PRTG: variants seen among roughly 807,000 people sequenced by gnomAD.
The protein encoded by PRTG is immunoglobulin superfamily, DCC subclass, member 5.
A neutral mutation model predicts 122.5 loss-of-function variants in PRTG; 67 were observed. That is an observed-to-expected ratio of 0.55 (90% confidence interval 0.45 to 0.67). The LOEUF is 0.67. Ranked by LOEUF, PRTG falls within the 30% of genes least tolerant of loss-of-function variation. The pLI, the probability that PRTG is intolerant of heterozygous loss-of-function variation, is 0.00. For synonymous variants in PRTG, 554 were observed against 501.1 expected (o/e 1.11, Z -1.41); for missense variants, 1,435 against 1,415.4 (o/e 1.01, Z -0.22).
chr15:55,671,909 A>G (rs1311235900), intron 11 of PRTG, among the ~76,000 whole-genome samples: 3 of 152,234 alleles, frequency 2.0e-5, no homozygotes, highest in Non-Finnish European at 4.4e-5. Flanking sequence ...AATGTCTTTC[A>G]GAACACTGAC....
chr15:55,653,458 T>C (rs1367829084), intron 11 of PRTG, among the ~76,000 whole-genome samples: 1 of 148,014 alleles, frequency 6.8e-6, no homozygotes, highest in Non-Finnish European at 1.5e-5. Context: ...CTATTGATCA[T>C]CTCTATTTTT....
In PRTG at chr15:55,619,827, A is replaced by T. The variant is rs2059156392; in HGVS notation, c.*185T>A. ...GTTCCCTGTTCATTGTCCTTCGAAC[A>T]GATTTAATGGTGAGAATACCTGAGC... is the stretch of plus-strand genomic sequence containing the variant. On this transcript the variant is annotated 3_prime_UTR_variant, in exon 20 of 20. Coordinates refer to ENST00000389286, the MANE Select transcript of PRTG (RefSeq NM_173814.6). The T allele has an allele frequency of 1.1e-6, 1 of 949,970 alleles. No individual in the cohort carries two copies. Among genetic ancestry groups the T allele is most frequent in the Non-Finnish European group, 1.5e-6 (1 of 661,154 alleles). The allele number at this position is 949,970 out of a possible 1,614,324, so 58.8% of individuals were successfully genotyped here. A position where few individuals can be genotyped will look rare whatever the true frequency, so the allele number is the denominator to read the frequency against.
chr15:55,693,709 T>C (rs180746798), intron 2 of PRTG, among the ~76,000 whole-genome samples: 1 of 152,266 alleles, frequency 6.6e-6, no homozygotes, highest in African/African-American at 2.4e-5. Context: ...AAAGGGGATA[T>C]TAAAAATACT....
At chr15:55,716,571 G>C (rs1274253357) in intron 2 of PRTG, among the ~76,000 whole-genome samples, 1 of 152,184 alleles carries the variant, frequency 6.6e-6, no homozygotes, top group Non-Finnish European at 1.5e-5. Flanking sequence ...CAAGTGCTGG[G>C]AGGATCCAAC....
rs2141816241 is a variant in PRTG at position 55,682,391 on chromosome 15, T to C, written c.649A>G (p.Met217Val). 5 of 1,604,140 alleles carry C rather than the reference T, an allele frequency of 3.1e-6. No homozygotes were observed. Among genetic ancestry groups the C allele is most frequent in the Middle Eastern group, 1.7e-4 (1 of 5,998 alleles). The change falls in exon 4 of 20, where the codon ATG (methionine) becomes GTG (valine). Residue 217 changes from methionine (M) to valine (V), a missense_variant. Coordinates refer to ENST00000389286, the MANE Select transcript of PRTG (RefSeq NM_173814.6). Reference protein sequence around the residue: ...AATVAHRRKSMEASLTVIPAK... With the variant: ...AATVAHRRKSVEASLTVIPAK... ...GGAATCACAGTTAGCGAGGCCTCCATACTTTTACGTCGGTGGGCTACAGTG... is the reference window on the plus strand; with the variant it reads ...GGAATCACAGTTAGCGAGGCCTCCACACTTTTACGTCGGTGGGCTACAGTG...
At chr15:55,716,629 C>T (rs1329414663) in intron 2 of PRTG, among the ~76,000 whole-genome samples, 1 of 152,128 alleles carries the variant, frequency 6.6e-6, no homozygotes, top group Admixed American at 6.5e-5. Context: ...AATCACCAGA[C>T]CATTAGGAGA....
At chr15:55,699,948 T>A (rs2059652918) in intron 2 of PRTG, among the ~76,000 whole-genome samples, 1 of 150,424 alleles carries the variant, frequency 6.6e-6, no homozygotes, top group Admixed American at 6.6e-5. Context: ...TACTCTAAAG[T>A]TTTTATGAAA....
Position 55,740,398 on chromosome 15 carries a change from A to T in PRTG, c.381T>A (p.Ala127=). 1.2e-6 allele frequency: 2 copies of T among 1,602,922 alleles called. No individual in the cohort carries two copies. The highest frequency in any genetic ancestry group is 1.7e-6 in the Non-Finnish European group (2 of 1,173,648). ...NKYGAILSQK[A]HLALSTISAF... ...AACACTTACTTGATAAGGCAAGATGAGCTTTTTGACTAAGAATGGCTCCAT... is the reference window on the plus strand; with the variant it reads ...AACACTTACTTGATAAGGCAAGATGTGCTTTTTGACTAAGAATGGCTCCAT... The change falls in exon 2 of 20, where the codon GCT becomes GCA. Residue 127 remains alanine, a synonymous_variant. Coordinates refer to ENST00000389286, the MANE Select transcript of PRTG (RefSeq NM_173814.6).
At chr15:55,696,974 G>A (rs1451624390) in intron 2 of PRTG, among the ~76,000 whole-genome samples, 2 of 152,188 alleles carry the variant, frequency 1.3e-5, no homozygotes, top group African/African-American at 4.8e-5. Flanking sequence ...AGTTTCTACA[G>A]ACTATTTTCC....
At chr15:55,680,941 T>A (rs1239976089) in intron 4 of PRTG, among the ~76,000 whole-genome samples, 1 of 152,102 alleles carries the variant, frequency 6.6e-6, no homozygotes, top group Non-Finnish European at 1.5e-5. Flanking sequence ...CTAATCTACT[T>A]TCAGTCTCTC....
intron 11 of PRTG, among the ~76,000 whole-genome samples, chr15:55,654,268 A>C (rs7171318): frequency 0.69 from 104,082 of 151,936 alleles, 36,044 homozygotes; most frequent in Middle Eastern, 0.77. Flanking sequence ...TAGGGAAGAG[A>C]AAAAGAAAAG....
At chr15:55,673,717 A>C (rs1338312761) in intron 9 of PRTG, 41 bp from the exon 10 acceptor site, 1 of 1,506,332 alleles carries the variant, frequency 6.6e-7, no homozygotes, top group South Asian at 1.2e-5. Context: ...AATATTTAGA[A>C]TCGAATTGCC....
intron 2 of PRTG, among the ~76,000 whole-genome samples, chr15:55,734,727 T>C (rs1314402055): frequency 7.9e-6 from 1 of 126,032 alleles, no homozygotes; most frequent in Non-Finnish European, 1.6e-5. Flanking sequence ...TCATCAAAAG[T>C]AGTTTCTGAG....
Position 55,675,544 on chromosome 15 carries a change from A to C in PRTG, c.1521T>G (p.His507Gln). Reference sequence around the variant, plus strand: ...CATCCTCTAGAGTATTCTGTGTCACATGGTCAGACATCTGGCTGGCTCCCA... The same window carrying C: ...CATCCTCTAGAGTATTCTGTGTCACCTGGTCAGACATCTGGCTGGCTCCCA... ...MPMGASQMSD[H>Q]VTQNTLEDVP... The change falls in exon 9 of 20, where the codon CAT (histidine) becomes CAG (glutamine). Residue 507 changes from histidine (H) to glutamine (Q), a missense_variant. His to Gln is a conservative substitution (Grantham distance 24). Coordinates refer to ENST00000389286, the MANE Select transcript of PRTG (RefSeq NM_173814.6). 1 of 1,612,070 alleles carries C rather than the reference A, an allele frequency of 6.2e-7. No homozygotes were observed. The highest frequency in any genetic ancestry group is 1.1e-5 in the South Asian group (1 of 90,908).
At chr15:55,621,640 C>CA (rs1030725785) in intron 18 of PRTG, among the ~76,000 whole-genome samples, 8 of 151,840 alleles carry the variant, frequency 5.3e-5, no homozygotes, top group African/African-American at 1.7e-4. Flanking sequence ...GACTCTGTCT[C>CA]AAAAAAACAA....
At position 55,740,440 on chromosome 15, in the gene PRTG, G is replaced by C. The variant is rs1251925380; in HGVS notation, c.339C>G (p.Cys113Trp). ...TGGCTCCATATTTGTTCATTGCCAA[G>C]CACTGATAAAATCCTTCATCGGACT... ...GEQSDEGFYQ[C>W]LAMNKYGAIL... is the part of the protein sequence containing the mutation. The change falls in exon 2 of 20, where the codon TGC becomes TGG. Residue 113 changes from cysteine to tryptophan, a missense_variant. By Grantham distance (215) the Cys-to-Trp change is radical. Transcript: ENST00000389286. 2.5e-6 allele frequency: 4 copies of C among 1,614,002 alleles called. No homozygotes were observed. Among genetic ancestry groups the C allele is most frequent in the Non-Finnish European group, 3.4e-6 (4 of 1,180,022 alleles).
intron 8 of PRTG, among the ~76,000 whole-genome samples, chr15:55,676,372 G>C (rs2059503091): frequency 6.6e-6 from 1 of 152,090 alleles, no homozygotes; most frequent in Non-Finnish European, 1.5e-5. Flanking sequence ...AATTCCTACA[G>C]AGCAAACCTG....
intron 1 of PRTG, among the ~76,000 whole-genome samples, chr15:55,741,577 G>C (rs1467871519): frequency 6.6e-6 from 1 of 152,158 alleles, no homozygotes; most frequent in Non-Finnish European, 1.5e-5. Flanking sequence ...GTCACCTCCT[G>C]CATTTAGTGC....
At chr15:55,696,962 A>G (rs1298021003) in intron 2 of PRTG, among the ~76,000 whole-genome samples, 1 of 152,236 alleles carries the variant, frequency 6.6e-6, no homozygotes, top group Non-Finnish European at 1.5e-5. Flanking sequence ...CCCTACATGC[A>G]AAGTTTCTAC....
Sources: allele counts gnomAD v4.1 joint callset (sites outside exome capture counted in the v4.1 genomes callset), GRCh38; gene constraint gnomAD v4.1.1; transcripts MANE v1.5; gene names NCBI Gene and HGNC (gene_info 2026-07-23, HGNC 2026-07-21).